Variants in FHIT observed in about 807,000 individuals in gnomAD.
The protein encoded by FHIT is fragile histidine triad diadenosine triphosphatase.
Under a neutral mutation model 17.9 loss-of-function variants are expected in FHIT, and 19 were observed. The ratio of observed to expected loss-of-function variants is 1.06; its 90% CI spans 0.74 to 1.56. The LOEUF is 1.56. FHIT is among the 40% of genes most tolerant of loss of function. FHIT has a pLI of 0.00. For synonymous variants in FHIT, 81 were observed against 69.7 expected (o/e 1.16, Z -0.81); for missense variants, 248 against 189.2 (o/e 1.31, Z -1.82).
intron 5 of FHIT, among the ~76,000 whole-genome samples, chr3:60,031,215 T>A (rs1236363784): frequency 3.9e-5 from 6 of 152,224 alleles, no homozygotes; most frequent in Non-Finnish European, 7.3e-5. Context: ...AGGGAGGTGA[T>A]TTCTCACTCT....
chr3:59,885,228 G>T (rs940817813), intron 8 of FHIT, among the ~76,000 whole-genome samples: 1 of 152,146 alleles, frequency 6.6e-6, no homozygotes, highest in African/African-American at 2.4e-5. Context: ...TGAGCATTGG[G>T]CTCAGCCACT....
intron 2 of FHIT, among the ~76,000 whole-genome samples, chr3:61,054,713 G>A (rs893581687): frequency 2.2e-4 from 34 of 152,090 alleles, no homozygotes; most frequent in African/African-American, 8.0e-4. Context: ...CTGTGCCTAA[G>A]AGAACACTGG....
At chr3:60,597,333 T>G (rs530257937) in intron 4 of FHIT, among the ~76,000 whole-genome samples, 1 of 152,266 alleles carries the variant, frequency 6.6e-6, no homozygotes, top group African/African-American at 2.4e-5. Flanking sequence ...AGTAAATGTT[T>G]AATCATTATA....
intron 2 of FHIT, among the ~76,000 whole-genome samples, chr3:61,053,119 G>T (rs2034087180): frequency 6.6e-6 from 1 of 152,166 alleles, no homozygotes; most frequent in Non-Finnish European, 1.5e-5. Flanking sequence ...CCCATCCACT[G>T]CAGGGAAGGA....
At chr3:60,219,212 T>C (rs547495607) in intron 5 of FHIT, among the ~76,000 whole-genome samples, 88 of 152,270 alleles carry the variant, frequency 5.8e-4, no homozygotes, top group African/African-American at 2.0e-3. Context: ...TCTGGCAAAT[T>C]CTGGGTTTCT....
rs143457768 is a variant in FHIT at position 59,813,207 on chromosome 3, T to C, written c.349-60886A>G. Among the ~76,000 whole-genome samples the C allele has an allele frequency of 2.5e-3, 374 of 152,352 alleles. 2 individuals are homozygous for C. Among genetic ancestry groups the C allele is most frequent in the Middle Eastern group, 0.01 (3 of 294 alleles). On this transcript the variant is annotated intron_variant, in intron 8 of 9. Transcript: ENST00000492590. ...TCTTTGAGCACCTTACTCCCTAGGC[T>C]TATAAGCATTTCATAACATCTAATT...
intron 5 of FHIT, among the ~76,000 whole-genome samples, chr3:60,078,462 T>C (rs1176554016): frequency 6.6e-6 from 1 of 152,122 alleles, no homozygotes; most frequent in Non-Finnish European, 1.5e-5. Context: ...GCTGTGCTTT[T>C]CAAAAATGTC....
intron 5 of FHIT, among the ~76,000 whole-genome samples, chr3:60,487,287 A>G (rs1040760553): frequency 6.6e-6 from 1 of 152,152 alleles, no homozygotes; most frequent in African/African-American, 2.4e-5. Flanking sequence ...GCAAGAACAC[A>G]CTGAGCAGCT....
At chr3:59,752,938 C>T (rs1700999687) in intron 8 of FHIT, among the ~76,000 whole-genome samples, 1 of 152,146 alleles carries the variant, frequency 6.6e-6, no homozygotes, top group African/African-American at 2.4e-5. Flanking sequence ...TACAGGTGAT[C>T]ACAGATTGGG....
At chr3:60,082,339 T>G (rs548253228) in intron 5 of FHIT, among the ~76,000 whole-genome samples, 16 of 152,172 alleles carry the variant, frequency 1.1e-4, no homozygotes, top group Non-Finnish European at 1.6e-4. Context: ...TATTCCACTG[T>G]GTATGTGTAC....
At chr3:59,918,513 C>A (rs1005064131) in intron 8 of FHIT, among the ~76,000 whole-genome samples, 8 of 151,652 alleles carry the variant, frequency 5.3e-5, no homozygotes, top group Non-Finnish European at 8.8e-5. Flanking sequence ...AGTTAAAAAA[C>A]AAAAAAAACT....
chr3:60,350,204 T>C (rs1273360672), intron 5 of FHIT, among the ~76,000 whole-genome samples: 1 of 152,062 alleles, frequency 6.6e-6, no homozygotes, highest in Non-Finnish European at 1.5e-5. Context: ...TCCTGGAGAC[T>C]CCCAACTCAG....
chr3:60,133,193 G>A (rs1032530720), intron 5 of FHIT, among the ~76,000 whole-genome samples: 4 of 152,142 alleles, frequency 2.6e-5, no homozygotes, highest in African/African-American at 7.2e-5. Flanking sequence ...GCTGATGAAG[G>A]AGGGCTATAC....
At chr3:60,401,042 T>C (rs780411314) in intron 5 of FHIT, among the ~76,000 whole-genome samples, 1 of 152,154 alleles carries the variant, frequency 6.6e-6, no homozygotes, top group South Asian at 2.1e-4. Flanking sequence ...AATTTAATCA[T>C]TGATACGGCT....
intron 4 of FHIT, among the ~76,000 whole-genome samples, chr3:60,811,635 A>G (rs1286647237): frequency 6.6e-6 from 1 of 152,198 alleles, no homozygotes; most frequent in Non-Finnish European, 1.5e-5. Flanking sequence ...ACAAGAATCC[A>G]TGTCACCTGA....
intron 5 of FHIT, among the ~76,000 whole-genome samples, chr3:60,392,395 A>G (rs567869861): frequency 2.0e-5 from 3 of 152,324 alleles, no homozygotes; most frequent in African/African-American, 4.8e-5. Context: ...AGAATAAATG[A>G]CACCATGTCG....
intron 4 of FHIT, among the ~76,000 whole-genome samples, chr3:60,656,014 GT>G (rs1389949224): frequency 1.3e-5 from 2 of 152,162 alleles, no homozygotes; most frequent in Non-Finnish European, 2.9e-5. Context: ...CACAGAAAAG[GT>G]TGGTTCTGAG....
intron 4 of FHIT, among the ~76,000 whole-genome samples, chr3:60,761,548 A>C (rs1553719886): frequency 6.6e-6 from 1 of 152,134 alleles, no homozygotes; most frequent in Non-Finnish European, 1.5e-5. Flanking sequence ...TCTGATTTGA[A>C]AAAAGAACAA....
intron 2 of FHIT, among the ~76,000 whole-genome samples, chr3:61,075,759 T>C (rs1362479160): frequency 6.6e-6 from 1 of 152,092 alleles, no homozygotes; most frequent in Non-Finnish European, 1.5e-5. Flanking sequence ...ATCCATTAAA[T>C]AAGTATTCGT....
Sources: allele counts gnomAD v4.1 joint callset (sites outside exome capture counted in the v4.1 genomes callset), GRCh38; gene constraint gnomAD v4.1.1; transcripts MANE v1.5; gene names NCBI Gene and HGNC (gene_info 2026-07-23, HGNC 2026-07-21).